MTMR3: variants seen among roughly 807,000 people sequenced by gnomAD.
The protein encoded by MTMR3 is phosphatidylinositol-3,5-bisphosphate 3-phosphatase MTMR3.
A neutral mutation model predicts 132.4 loss-of-function variants in MTMR3; 32 were observed. The ratio of observed to expected loss-of-function variants is 0.24; its 90% CI spans 0.18 to 0.32. MTMR3 has a LOEUF of 0.32. MTMR3 is among the 10% of genes least tolerant of loss of function. The pLI is 1.00. For synonymous variants in MTMR3, 556 were observed against 550.3 expected (o/e 1.01, Z -0.14); for missense variants, 1,216 against 1,489.6 (o/e 0.82, Z 3.02).
At chr22:30,017,779 A>C in intron 15 of MTMR3, 148 bp from the exon 16 acceptor site, 1 of 940,528 alleles carries the variant, frequency 1.1e-6, no homozygotes, top group Non-Finnish European at 1.7e-6. Flanking sequence ...CTTGGGATAG[A>C]CCTGTATCCA....
Position 30,020,300 on chromosome 22 carries a change from G to C in MTMR3, c.2641G>C (p.Glu881Gln), listed in dbSNP as rs1315363000. 1 of 1,614,180 alleles carries C rather than the reference G, an allele frequency of 6.2e-7. No homozygotes were observed. The change falls in exon 17 of 20, where the codon GAA becomes CAA. Residue 881 changes from glutamate (E) to glutamine (Q), a missense_variant. This residue lies in a region of MTMR3 where 852 missense variants were observed against 852.0 expected (regional missense o/e 1.00). Coordinates refer to ENST00000401950, the MANE Select transcript of MTMR3 (RefSeq NM_021090.4). ...SGKDRLPQTMEPSPSETSLVE... is the reference protein window; with the variant it reads ...SGKDRLPQTMQPSPSETSLVE... ...CAAGGACAGGCTTCCTCAGACCATGGAACCCAGCCCTTCAGAGACAAGCCT... is the reference window on the plus strand; with the variant it reads ...CAAGGACAGGCTTCCTCAGACCATGCAACCCAGCCCTTCAGAGACAAGCCT...
intron 1 of MTMR3, among the ~76,000 whole-genome samples, chr22:29,900,605 G>C (rs2064986542): frequency 6.6e-6 from 1 of 152,022 alleles, no homozygotes; most frequent in African/African-American, 2.4e-5. Flanking sequence ...TAATAGTCTA[G>C]GATTATTCCC....
intron 1 of MTMR3, among the ~76,000 whole-genome samples, chr22:29,946,046 T>C (rs1159859550): frequency 7.1e-6 from 1 of 141,514 alleles, no homozygotes; most frequent in Non-Finnish European, 1.6e-5. Context: ...TGTAAGGTAA[T>C]CAAGGTATAA....
chr22:29,950,342 ATTT>A lies in MTMR3; in HGVS notation c.-137-6693_-137-6691del, dbSNP rs1406837098. Among the ~76,000 whole-genome samples the A allele has an allele frequency of 2.6e-5, 4 of 151,000 alleles. No individual in the cohort carries two copies. In the East Asian group the frequency reaches 7.9e-4, roughly 30 times the overall value. On this transcript the variant is annotated intron_variant, in intron 1 of 19. Transcript: ENST00000401950. ...GTTTTTTCCTTAGGAGATAGGGAACATTTCTGTTTTTTATTTTTTTATTTATTT... is the reference window on the plus strand; with the variant it reads ...GTTTTTTCCTTAGGAGATAGGGAACACTGTTTTTTATTTTTTTATTTATTT...
chr22:30,000,890 G>A (rs1338074333), intron 8 of MTMR3: 1 of 152,152 alleles, frequency 6.6e-6, no homozygotes, highest in African/African-American at 2.4e-5. Flanking sequence ...TACTGGGAGT[G>A]TAGTACCTAT....
At chr22:29,977,683 T>C (rs1345514479) in intron 3 of MTMR3, among the ~76,000 whole-genome samples, 1 of 152,232 alleles carries the variant, frequency 6.6e-6, no homozygotes, top group Admixed American at 6.5e-5. Context: ...TACTAATTCA[T>C]AGATAGTCCT....
intron 1 of MTMR3, among the ~76,000 whole-genome samples, chr22:29,943,777 CA>C (rs2065902493): frequency 6.8e-6 from 1 of 147,130 alleles, no homozygotes; most frequent in South Asian, 2.2e-4. Flanking sequence ...TCCCCACCCC[CA>C]AACCCCACCC....
chr22:29,920,234 C>CA (rs143058012), intron 1 of MTMR3, among the ~76,000 whole-genome samples: 3 of 150,722 alleles, frequency 2.0e-5, no homozygotes, highest in Non-Finnish European at 3.0e-5. Flanking sequence ...ACAAAAAACC[C>CA]AAAAAAAATT....
At chr22:29,918,049 A>G (rs772033178) in intron 1 of MTMR3, among the ~76,000 whole-genome samples, 1 of 152,178 alleles carries the variant, frequency 6.6e-6, no homozygotes, top group Non-Finnish European at 1.5e-5. Context: ...TTGCTAATGC[A>G]GTGAGTTTAA....
At chr22:29,942,557 G>A (rs963226529) in intron 1 of MTMR3, among the ~76,000 whole-genome samples, 4 of 152,162 alleles carry the variant, frequency 2.6e-5, no homozygotes, top group Non-Finnish European at 2.9e-5. Context: ...GGAGCACTAC[G>A]GGAGACTAGG....
intron 1 of MTMR3, among the ~76,000 whole-genome samples, chr22:29,890,697 G>A (rs2064779599): frequency 6.6e-6 from 1 of 152,154 alleles, no homozygotes; most frequent in African/African-American, 2.4e-5. Context: ...GGAGTTTAAA[G>A]TAGTTTGAAA....
chr22:30,025,975 C>T lies in MTMR3; in HGVS notation c.*174C>T. ...GTAGATTGATTTTTCTTTCCTGTCC[C>T]CCTACTCCCTCCCTACCTTTTCCAT... On this transcript the variant is annotated 3_prime_UTR_variant, in exon 20 of 20. Transcript: ENST00000401950. The T allele has an allele frequency of 1.7e-6, 1 of 587,234 alleles. No individual in the cohort carries two copies. Among genetic ancestry groups the T allele is most frequent in the Admixed American group, 2.9e-5 (1 of 34,472 alleles). 36.4% of individuals were successfully genotyped at this position (587,234 alleles called of 1,614,324 possible). A position where few individuals can be genotyped will look rare whatever the true frequency, so the allele number is the denominator to read the frequency against.
At chr22:29,910,184 G>C (rs1172974947) in intron 1 of MTMR3, among the ~76,000 whole-genome samples, 2 of 151,906 alleles carry the variant, frequency 1.3e-5, no homozygotes, top group East Asian at 3.9e-4. Flanking sequence ...AAGAAAGTGG[G>C]CCCTTTTCTG....
chr22:29,960,812 G>A lies in MTMR3; in HGVS notation c.-85+3724G>A, dbSNP rs1247136756. Among the ~76,000 whole-genome samples the A allele has an allele frequency of 4.6e-5, 7 of 152,020 alleles. No homozygotes were observed. The South Asian group carries it at 1.0e-3, about 23-fold the overall frequency. On this transcript the variant is annotated intron_variant, in intron 2 of 19. Transcript: ENST00000401950. ...TACATTCCTGATTGTTTTTTCTTGAGGCTATTATCTTAACACTCTGAGTTT... is the reference window on the plus strand; with the variant it reads ...TACATTCCTGATTGTTTTTTCTTGAAGCTATTATCTTAACACTCTGAGTTT...
At chr22:30,012,919 T>G (rs896213466) in intron 13 of MTMR3, 2 of 209,168 alleles carry the variant, frequency 9.6e-6, no homozygotes, top group Non-Finnish European at 9.4e-6. Flanking sequence ...CTACCTGAAA[T>G]AACCATCTGT....
At chr22:30,004,020 A>C (rs769193140) in intron 9 of MTMR3, 5 of 152,168 alleles carry the variant, frequency 3.3e-5, no homozygotes, top group Non-Finnish European at 7.3e-5. Flanking sequence ...ATTCCTACAG[A>C]GGTAACCAGC....
At chr22:29,904,809 ATGTGTGTGTGTTG>A (rs2065065112) in intron 1 of MTMR3, among the ~76,000 whole-genome samples, 1 of 113,142 alleles carries the variant, frequency 8.8e-6, no homozygotes, top group African/African-American at 2.9e-5. Context: ...TCAGAGGGGT[ATGTGTGTGTGTTG>A]TGTGTGTGTG....
chr22:29,998,738 T>C (rs1218221336), intron 7 of MTMR3, 23 bp from the exon 8 acceptor site: 2 of 1,582,310 alleles, frequency 1.3e-6, no homozygotes, highest in African/African-American at 2.7e-5. Flanking sequence ...TCTTCCTTTC[T>C]GCTGTTTATC....
chr22:30,007,888 T>G lies in MTMR3; in HGVS notation c.878-13T>G. The stretch of plus-strand genomic sequence containing the variant: ...AGGCTCATTTAGTATGCCCTCTCCC[T>G]CTGTGTCCCTAGATTCTTCTCTGTC... On this transcript the variant is annotated splice_polypyrimidine_tract_variant and intron_variant, in intron 10 of 19. Transcript: ENST00000401950. 1 of 1,613,654 alleles carries G rather than the reference T, an allele frequency of 6.2e-7. No individual in the cohort carries two copies. The highest frequency in any genetic ancestry group is 8.5e-7 in the Non-Finnish European group (1 of 1,179,864).
Sources: gnomAD v4.1 joint callset for allele counts (sites outside exome capture counted in the v4.1 genomes callset) on GRCh38, gnomAD v4.1.1 for gene constraint, gnomAD v4.1.1 regional missense constraint, MANE v1.5 for transcripts, NCBI Gene and HGNC (gene_info 2026-07-23, HGNC 2026-07-21) for gene names.